The following CASP1 variants were observed in gnomAD, a reference collection of about 807,000 sequenced individuals.
CASP1 encodes caspase-1.
Under a neutral mutation model 41.2 loss-of-function variants are expected in CASP1, and 31 were observed. The observed-to-expected ratio is 0.75, with a 90% confidence interval of 0.57 to 1.02. The LOEUF (loss-of-function observed/expected upper bound fraction) is 1.02. CASP1 is among the 50% of genes least tolerant of loss of function. The pLI is 0.00. For synonymous variants in CASP1, 163 were observed against 166.5 expected (o/e 0.98, Z 0.16); for missense variants, 490 against 495.7 (o/e 0.99, Z 0.11).
Position 105,034,242 on chromosome 11 carries a change from G to A in CASP1, c.240C>T (p.Asp80=). Residue 80 remains aspartate, a synonymous_variant, in exon 2 of 9, where the codon GAC becomes GAT. Transcript: ENST00000533400. ...GTCCCAGCGTCCCTGCCAGGTAACT[G>A]TCTTCTTCACAAATGTATGTGATGC... ...QICITYICEE[D]SYLAGTLGLS... The A allele has an allele frequency of 2.5e-6, 4 of 1,614,110 alleles. No homozygotes were observed. Among genetic ancestry groups the A allele is most frequent in the Non-Finnish European group, 3.4e-6 (4 of 1,179,980 alleles).
At position 105,032,973 on chromosome 11, in the gene CASP1, C is replaced by T. The variant is rs566992247; in HGVS notation, c.337+91G>A. On this transcript the variant is annotated intron_variant, in intron 3 of 8. Transcript: ENST00000533400. ...TATATGACCAATCTATGAGAATTCTCCATAGCCCATTTACCCACGTTTGAT... is the reference window on the plus strand; with the variant it reads ...TATATGACCAATCTATGAGAATTCTTCATAGCCCATTTACCCACGTTTGAT... The T allele has an allele frequency of 8.2e-5, 63 of 772,182 alleles. No individual in the cohort carries two copies. The African/African-American group carries it at 1.0e-3, about 12-fold the overall frequency. 47.8% of individuals were successfully genotyped at this position (772,182 alleles called of 1,614,324 possible). A position where few individuals can be genotyped will look rare whatever the true frequency, so the allele number is the denominator to read the frequency against.
At chr11:105,028,290 C>A in intron 7 of CASP1, among the ~76,000 whole-genome samples, 1 of 152,110 alleles carries the variant, frequency 6.6e-6, no homozygotes, top group African/African-American at 2.4e-5. Context: ...TGAGCAGAGA[C>A]AGGGCCTTTG....
intron 7 of CASP1, 50 bp from the exon 8 acceptor site, chr11:105,027,001 A>G: frequency 9.8e-7 from 1 of 1,022,610 alleles, no homozygotes; most frequent in African/African-American, 1.6e-5. Flanking sequence ...TGCCTGAAGA[A>G]AGAGAAGAAA....
intron 4 of CASP1, chr11:105,030,906 C>A: frequency 2.4e-6 from 1 of 420,600 alleles, no homozygotes; most frequent in Non-Finnish European, 4.3e-6. Flanking sequence ...GTGCAAAATG[C>A]TTAGAACAAT....
intron 3 of CASP1, among the ~76,000 whole-genome samples, chr11:105,031,925 G>C (rs951093703): frequency 6.6e-6 from 1 of 152,006 alleles, no homozygotes; most frequent in Non-Finnish European, 1.5e-5. Flanking sequence ...AACATTCATT[G>C]CACAGACACT....
intron 7 of CASP1, chr11:105,027,216 A>T: frequency 1.7e-6 from 1 of 603,356 alleles, no homozygotes; most frequent in Non-Finnish European, 2.9e-6. Flanking sequence ...TATACAGGGG[A>T]TGGTAATAAC....
At chr11:105,035,211 T>C, upstream of CASP1, 1 of 1,380,894 alleles carries the variant, frequency 7.2e-7, no homozygotes, top group South Asian at 1.2e-5. Flanking sequence ...ATACTCACTG[T>C]GCATGCATAT....
upstream of CASP1, among the ~76,000 whole-genome samples, chr11:105,035,545 T>G (rs1218654680): frequency 6.6e-6 from 1 of 151,786 alleles, no homozygotes; most frequent in Non-Finnish European, 1.5e-5. Context: ...CTTTAAGAAA[T>G]AGAAACATTT....
At position 105,026,069 on chromosome 11, in the gene CASP1, T is replaced by C; in HGVS notation, c.*189A>G. On this transcript the variant is annotated 3_prime_UTR_variant, in exon 9 of 9. Coordinates refer to ENST00000533400, the MANE Select transcript of CASP1 (RefSeq NM_001257118.3). The stretch of plus-strand genomic sequence containing the variant: ...TTTCAATAAACATTTCCTTTGAATA[T>C]CATGTGGGCGCTCACACAGTGTTGG... The C allele has an allele frequency of 2.2e-6, 1 of 459,226 alleles. No individual in the cohort carries two copies. The highest frequency in any genetic ancestry group is 3.2e-5 in the East Asian group (1 of 31,312). 28.4% of individuals were successfully genotyped at this position (459,226 alleles called of 1,614,324 possible).
At chr11:105,035,641 G>T (rs531682847), upstream of CASP1, among the ~76,000 whole-genome samples, 222 of 5,174 alleles carry the variant, frequency 0.043, 1 homozygote, top group Non-Finnish European at 0.096. Context: ...TCTGATACAG[G>T]GTATCATTCT....
Position 105,034,273 on chromosome 11 carries a change from T to A in CASP1, c.209A>T (p.Gln70Leu), listed in dbSNP as rs767961757. ...SVIPKGAQAC[Q>L]ICITYICEED... ...TTCACAAATGTATGTGATGCAAATT[T>A]GGCATGCCTGTGCCCCTTTCGGAAT... Residue 70 changes from glutamine (Q) to leucine (L), a missense_variant, in exon 2 of 9, where the codon CAA becomes CTA. Transcript: ENST00000533400. 1 of 1,614,162 alleles carries A rather than the reference T, an allele frequency of 6.2e-7. No individual in the cohort carries two copies. Among genetic ancestry groups the A allele is most frequent in the South Asian group, 1.1e-5 (1 of 91,084 alleles).
Position 105,026,077 on chromosome 11 carries a change from G to T in CASP1, c.*181C>A. On this transcript the variant is annotated 3_prime_UTR_variant, in exon 9 of 9. Coordinates refer to ENST00000533400, the MANE Select transcript of CASP1 (RefSeq NM_001257118.3). ...AACATTTCCTTTGAATATCATGTGG[G>T]CGCTCACACAGTGTTGGATTTTAGA... 1 of 469,702 alleles carries T rather than the reference G, an allele frequency of 2.1e-6. No individual in the cohort carries two copies. Among genetic ancestry groups the T allele is most frequent in the South Asian group, 4.2e-5 (1 of 23,598 alleles). The allele number at this position is 469,702 out of a possible 1,614,324, so 29.1% of individuals were successfully genotyped here.
At chr11:105,033,197 C>T in intron 2 of CASP1, 71 bp from the exon 3 acceptor site, 1 of 800,410 alleles carries the variant, frequency 1.2e-6, no homozygotes, top group South Asian at 1.5e-5. Context: ...ATCTGTAAAA[C>T]ACTCCCCACT....
chr11:105,032,151 T>C (rs516255), intron 3 of CASP1, among the ~76,000 whole-genome samples: 2 of 152,012 alleles, frequency 1.3e-5, no homozygotes, highest in African/African-American at 4.8e-5. Context: ...TTTGAAAAAT[T>C]GTTATACAAT....
rs187483724 is a variant in CASP1 at position 105,029,032 on chromosome 11, G to A, written c.1006+92C>T. 7.0e-3 allele frequency: 8,405 copies of A among 1,203,234 alleles called. 60 individuals are homozygous for A. Among genetic ancestry groups the A allele is most frequent in the Middle Eastern group, 0.016 (59 of 3,660 alleles). The allele number at this position is 1,203,234 out of a possible 1,614,324, so 74.5% of individuals were successfully genotyped here. The stretch of plus-strand genomic sequence containing the variant: ...ATAACTTGGAACAAAGCTTGAGTTG[G>A]TCTTGAGTTGTTAATCACCACCTCT... On this transcript the variant is annotated intron_variant, in intron 7 of 8. Transcript: ENST00000533400.
intron 2 of CASP1, 154 bp downstream of exon 2, chr11:105,034,054 A>G (rs567843597): frequency 9.0e-6 from 11 of 1,218,990 alleles, no homozygotes; most frequent in Admixed American, 8.7e-5. Context: ...AAGGAGAGTC[A>G]AGGGACATGC....
At chr11:105,034,583 C>T (rs1565228517) in intron 1 of CASP1, 109 bp from the exon 2 acceptor site, 1 of 1,537,248 alleles carries the variant, frequency 6.5e-7, no homozygotes, top group Non-Finnish European at 8.8e-7. Flanking sequence ...ATGTCCCCCT[C>T]CTCACAGTTG....
In CASP1 at chr11:105,030,486, G is replaced by T; in HGVS notation, c.471C>A (p.Asp157Glu). The change falls in exon 5 of 9, where the codon GAC becomes GAA. Residue 157 changes from aspartate (D) to glutamate (E), a missense_variant. By Grantham distance (45) the Asp-to-Glu change is conservative. Transcript: ENST00000533400. ...QKSAEIYPIM[D>E]KSSRTRLALI... ...GAGCAAGACGTGTGCGGCTTGACTT[G>T]TCCATTATTGGATAAATCTGTAGGA... 1 of 1,611,956 alleles carries T rather than the reference G, an allele frequency of 6.2e-7. No homozygotes were observed.
chr11:105,028,536 C>T (rs1390110555), intron 7 of CASP1, among the ~76,000 whole-genome samples: 1 of 152,006 alleles, frequency 6.6e-6, no homozygotes, highest in African/African-American at 2.4e-5. Flanking sequence ...TTTATATTCA[C>T]ATATTAGTCA....
Sources: gnomAD v4.1 joint callset for allele counts (sites outside exome capture counted in the v4.1 genomes callset) on GRCh38, gnomAD v4.1.1 for gene constraint, MANE v1.5 for transcripts, NCBI Gene and HGNC (gene_info 2026-07-23, HGNC 2026-07-21) for gene names.